The following CLSTN3 variants were observed in gnomAD, a reference collection of about 807,000 sequenced individuals.
CLSTN3 encodes calsyntenin-3.
CLSTN3 carries 36 observed loss-of-function variants against 95.9 expected under a neutral mutation model. The ratio of observed to expected loss-of-function variants is 0.38; its 90% CI spans 0.29 to 0.50. CLSTN3 has a LOEUF of 0.50. CLSTN3 is among the 20% of genes least tolerant of loss of function. The pLI, the probability that CLSTN3 is intolerant of heterozygous loss-of-function variation, is 0.95. For synonymous variants in CLSTN3, 481 were observed against 504.0 expected (o/e 0.95, Z 0.61); for missense variants, 1,084 against 1,268.8 (o/e 0.85, Z 2.21).
chr12:7,142,217 A>G (rs192789924), intron 10 of CLSTN3, 78 bp downstream of exon 10: 1 of 1,278,326 alleles, frequency 7.8e-7, no homozygotes, highest in African/African-American at 1.5e-5. Context: ...TCCACCCCAA[A>G]TCCTATCCAG....
Position 7,149,555 on chromosome 12 carries a change from C to T in CLSTN3, c.2107C>T (p.His703Tyr), listed in dbSNP as rs1319714249. The T allele has an allele frequency of 6.2e-7, 1 of 1,614,008 alleles. No homozygotes were observed. The highest frequency in any genetic ancestry group is 1.1e-5 in the South Asian group (1 of 91,052). ...TDTRMSDEIV[H>Y]NLDGCEISLV... is the part of the protein sequence containing the mutation. ...CACACGCATGTCGGATGAGATTGTG[C>T]ACAACCTGGATGGCTGTGAAATTTC... is the stretch of plus-strand genomic sequence containing the variant. The change falls in exon 14 of 18, where the codon CAC (histidine) becomes TAC (tyrosine). Residue 703 changes from histidine (H) to tyrosine (Y), a missense_variant. By Grantham distance (83) the His-to-Tyr change is moderately conservative. Coordinates refer to ENST00000266546, the MANE Select transcript of CLSTN3 (RefSeq NM_014718.4). The surrounding 1 kb of genome is among the most constrained non-coding windows in gnomAD (Gnocchi z 4.5).
chr12:7,158,389 T>G lies in CLSTN3; in HGVS notation c.*308T>G. On this transcript the variant is annotated 3_prime_UTR_variant, in exon 18 of 18. Coordinates refer to ENST00000266546, the MANE Select transcript of CLSTN3 (RefSeq NM_014718.4). ...CCAATGGCAGCTGCCCCCTTAGCAC[T>G]CACTGTGTTGGGGAGAGGGTGACGA... 1 of 250,038 alleles carries G rather than the reference T, an allele frequency of 4.0e-6. No individual in the cohort carries two copies. Among genetic ancestry groups the G allele is most frequent in the African/African-American group, 2.3e-5 (1 of 44,440 alleles). 15.5% of individuals were successfully genotyped at this position (250,038 alleles called of 1,614,324 possible). A position where few individuals can be genotyped will look rare whatever the true frequency, so the allele number is the denominator to read the frequency against.
In CLSTN3 at chr12:7,150,730, C is replaced by T. The variant is rs1939709475; in HGVS notation, c.2391+41C>T. On this transcript the variant is annotated intron_variant, in intron 15 of 17. Coordinates refer to ENST00000266546, the MANE Select transcript of CLSTN3 (RefSeq NM_014718.4). This position sits in a 1 kb window ranked among gnomAD's most constrained non-coding sequence, Gnocchi z 4.0. ...CCTTCCTTCCACAGTTACCCACCCCCAGAAAGGAGCTGAGGTGGCATGGAC... is the reference window on the plus strand; with the variant it reads ...CCTTCCTTCCACAGTTACCCACCCCTAGAAAGGAGCTGAGGTGGCATGGAC... 1 of 1,602,074 alleles carries T rather than the reference C, an allele frequency of 6.2e-7. No homozygotes were observed. The highest frequency in any genetic ancestry group is 1.1e-5 in the South Asian group (1 of 90,558).
chr12:7,135,293 T>G, intron 3 of CLSTN3, 34 bp from the exon 4 acceptor site: 4 of 1,602,254 alleles, frequency 2.5e-6, no homozygotes, highest in Non-Finnish European at 3.4e-6. Flanking sequence ...CTGGCTGACG[T>G]GTCTTCATCC....
rs1380008697 is a variant in CLSTN3 at position 7,157,370 on chromosome 12, G to A, written c.2528-119G>A. The A allele has an allele frequency of 2.9e-5, 24 of 815,328 alleles. No individual in the cohort carries two copies. Among genetic ancestry groups the A allele is most frequent in the Admixed American group, 9.0e-5 (3 of 33,406 alleles). 50.5% of individuals were successfully genotyped at this position (815,328 alleles called of 1,614,324 possible). A position where few individuals can be genotyped will look rare whatever the true frequency, so the allele number is the denominator to read the frequency against. ...AGGTGTTCCTCTCTTCTCGGCCACC[G>A]TGTGTTCTGCCCTGGGAGTCCTTCA... On this transcript the variant is annotated intron_variant, in intron 16 of 17. Coordinates refer to ENST00000266546, the MANE Select transcript of CLSTN3 (RefSeq NM_014718.4). This position sits in a 1 kb window ranked among gnomAD's most constrained non-coding sequence, Gnocchi z 5.9.
chr12:7,153,486 G>T (rs759775108), intron 16 of CLSTN3, among the ~76,000 whole-genome samples: 21 of 152,244 alleles, frequency 1.4e-4, no homozygotes, highest in African/African-American at 5.1e-4. Context: ...ATTCACTATA[G>T]CAAGTAGGTG....
chr12:7,157,122 G>A lies in CLSTN3; in HGVS notation c.2528-367G>A, dbSNP rs900278975. On this transcript the variant is annotated intron_variant, in intron 16 of 17. Transcript: ENST00000266546. This position sits in a 1 kb window ranked among gnomAD's most constrained non-coding sequence, Gnocchi z 5.9. ...CCTAGGCTGAGTGGTCTCTGGGGAAGGCACAGGTGGAATGACAGGGGCAGA... is the reference window on the plus strand; with the variant it reads ...CCTAGGCTGAGTGGTCTCTGGGGAAAGCACAGGTGGAATGACAGGGGCAGA... 5.3e-5 allele frequency among the ~76,000 whole-genome samples: 8 copies of A among 152,200 alleles called. No homozygotes were observed. The highest frequency in any genetic ancestry group is 1.9e-4 in the African/African-American group (8 of 41,454).
In CLSTN3 at chr12:7,133,288, C is replaced by A; in HGVS notation, c.187+142C>A. On this transcript the variant is annotated intron_variant, in intron 2 of 17. Transcript: ENST00000266546. The surrounding 1 kb of genome is among the most constrained non-coding windows in gnomAD (Gnocchi z 4.7). ...AAGTGGGCTCAAGGAGGGGAATGGT[C>A]TCCACTGAAGAATGGAGATTGAGTC... 1.8e-6 allele frequency: 2 copies of A among 1,089,242 alleles called. No homozygotes were observed. Among genetic ancestry groups the A allele is most frequent in the Non-Finnish European group, 2.6e-6 (2 of 757,076 alleles). The allele number at this position is 1,089,242 out of a possible 1,614,324, so 67.5% of individuals were successfully genotyped here.
At chr12:7,145,117 G>A (rs984673595) in intron 12 of CLSTN3, among the ~76,000 whole-genome samples, 1 of 152,198 alleles carries the variant, frequency 6.6e-6, no homozygotes, top group African/African-American at 2.4e-5. Flanking sequence ...CCTGCGGGGG[G>A]AGGAGTTGAC....
rs1219102621 is a variant in CLSTN3, at chr12:7,143,035, C to G, written c.1698+9C>G. The G allele has an allele frequency of 6.2e-7, 1 of 1,611,374 alleles. No individual in the cohort carries two copies. ...TGGGCAAAGGCATGAAGGTATTGCC[C>G]CATCCTCTAGCCCTGTTCTTCCCAG... is the stretch of plus-strand genomic sequence containing the variant. On this transcript the variant is annotated intron_variant, in intron 11 of 17. Transcript: ENST00000266546.
In CLSTN3 at chr12:7,137,370, T is replaced by C. The variant is rs1939446645; in HGVS notation, c.1210+260T>C. 6.3e-6 allele frequency: 3 copies of C among 473,366 alleles called. No homozygotes were observed. The highest frequency in any genetic ancestry group is 7.0e-5 in the Admixed American group (2 of 28,688). 29.3% of individuals were successfully genotyped at this position (473,366 alleles called of 1,614,324 possible). A position where few individuals can be genotyped will look rare whatever the true frequency, so the allele number is the denominator to read the frequency against. ...CAGTCAACTTCTCTGTGTCCCACCATGTGGTAGGCTGTCCCCACCCCCCAT... is the reference window on the plus strand; with the variant it reads ...CAGTCAACTTCTCTGTGTCCCACCACGTGGTAGGCTGTCCCCACCCCCCAT... On this transcript the variant is annotated intron_variant, in intron 7 of 17. Transcript: ENST00000266546. The surrounding 1 kb of genome is among the most constrained non-coding windows in gnomAD (Gnocchi z 4.4).
At chr12:7,155,121 T>C (rs530380898) in intron 16 of CLSTN3, among the ~76,000 whole-genome samples, 24 of 152,328 alleles carry the variant, frequency 1.6e-4, no homozygotes, top group Middle Eastern at 3.4e-3. Flanking sequence ...CGCAATCCCA[T>C]GGACCATTTG....
chr12:7,131,210 A>G (rs1939293595), intron 1 of CLSTN3: 1 of 236,074 alleles, frequency 4.2e-6, no homozygotes, highest in South Asian at 5.2e-5. Context: ...GTGCCTCTGC[A>G]TTCAGACCCT....
intron 8 of CLSTN3, chr12:7,138,841 A>G (rs984330641): frequency 6.6e-6 from 1 of 150,778 alleles, no homozygotes; most frequent in Non-Finnish European, 1.5e-5. Flanking sequence ...AAAAAAAAAA[A>G]AAAAAAAAAA....
At position 7,132,327 on chromosome 12, in the gene CLSTN3, G is replaced by A. The variant is rs746310513; in HGVS notation, c.65-697G>A. The A allele has an allele frequency of 1.3e-3, 317 of 238,750 alleles. 1 individual carries two copies. Among genetic ancestry groups the A allele is most frequent in the Non-Finnish European group, 2.1e-3 (254 of 118,858 alleles). The allele number at this position is 238,750 out of a possible 1,614,324, so 14.8% of individuals were successfully genotyped here. Reference sequence around the variant, plus strand: ...GGGAAGCAGGGACGGGATTTGTCATGTTTCTAGGCCAGCCCGATAATCCCT... The same window carrying A: ...GGGAAGCAGGGACGGGATTTGTCATATTTCTAGGCCAGCCCGATAATCCCT... On this transcript the variant is annotated intron_variant, in intron 1 of 17. Transcript: ENST00000266546.
chr12:7,133,749 A>C lies in CLSTN3; in HGVS notation c.364A>C (p.Asn122His). 6.3e-7 allele frequency: 1 copy of C among 1,581,304 alleles called. No homozygotes were observed. The highest frequency in any genetic ancestry group is 8.6e-7 in the Non-Finnish European group (1 of 1,166,804). ...YDCGEGPDGANTKKSHKATVH... is the reference protein window; with the variant it reads ...YDCGEGPDGAHTKKSHKATVH... ...CTGTGGCGAGGGCCCCGACGGGGCC[A>C]ACACCAAGAAGTCCCACAAGTGAGG... The change falls in exon 3 of 18, where the codon AAC becomes CAC. Residue 122 changes from asparagine (N) to histidine (H), a missense_variant. Coordinates refer to ENST00000266546, the MANE Select transcript of CLSTN3 (RefSeq NM_014718.4). This position sits in a 1 kb window ranked among gnomAD's most constrained non-coding sequence, Gnocchi z 4.7.
At chr12:7,132,911 G>C (rs998392619) in intron 1 of CLSTN3, 113 bp from the exon 2 acceptor site, 4 of 1,427,388 alleles carry the variant, frequency 2.8e-6, no homozygotes, top group Admixed American at 3.7e-5. Context: ...TCCTATAGGG[G>C]GTGGAAAAGG....
chr12:7,145,295 G>T (rs1314604639), intron 12 of CLSTN3, among the ~76,000 whole-genome samples: 1 of 152,056 alleles, frequency 6.6e-6, no homozygotes, highest in African/African-American at 2.4e-5. Context: ...GTTACTACAT[G>T]GTTGGTGCTA....
In CLSTN3 at chr12:7,133,590, C is replaced by A; in HGVS notation, c.205C>A (p.Arg69=). The A allele has an allele frequency of 1.2e-6, 2 of 1,614,096 alleles. No individual in the cohort carries two copies. The highest frequency in any genetic ancestry group is 1.3e-5 in the African/African-American group (1 of 75,018). ...LRYAGEICGF[R]LHGSGVPFEA... is the part of the protein sequence containing the mutation. ...TTTGCCAGGTGAGATCTGCGGCTTC[C>A]GGCTCCATGGGTCTGGGGTGCCCTT... Residue 69 remains arginine, a synonymous_variant, in exon 3 of 18, where the codon CGG becomes AGG. Transcript: ENST00000266546. This position sits in a 1 kb window ranked among gnomAD's most constrained non-coding sequence, Gnocchi z 4.7.
Sources: gnomAD v4.1 joint callset for allele counts (sites outside exome capture counted in the v4.1 genomes callset) on GRCh38, gnomAD v4.1.1 for gene constraint, Gnocchi (gnomAD v3.1) non-coding constraint, MANE v1.5 for transcripts, NCBI Gene and HGNC (gene_info 2026-07-23, HGNC 2026-07-21) for gene names.